The following ARFGEF3 variants were observed in gnomAD, a reference collection of about 807,000 sequenced individuals.
ARFGEF3 encodes ARFGEF family member 3, also known as brefeldin A-inhibited guanine nucleotide-exchange protein 3.
ARFGEF3 carries 96 observed loss-of-function variants against 221.7 expected under a neutral mutation model. The observed-to-expected ratio is 0.43, with a 90% CI of 0.37 to 0.51. The LOEUF (loss-of-function observed/expected upper bound fraction) is 0.51. ARFGEF3 is among the 20% of genes least tolerant of loss of function. The probability of loss-of-function intolerance (pLI) is 0.00; values close to 1 mark genes in which losing one functional copy is unlikely to be tolerated. For synonymous variants in ARFGEF3, 1,145 were observed against 1,126.8 expected, an observed-to-expected ratio of 1.02 and a Z score of -0.32; for missense variants, 2,410 against 2,789.9, an observed-to-expected ratio of 0.86 and a Z score of 3.07.
At chr6:138,270,314 T>C (rs1244171013) in intron 12 of ARFGEF3, among the ~76,000 whole-genome samples, 2 of 152,166 alleles carry the variant, frequency 1.3e-5, no homozygotes, top group Non-Finnish European at 2.9e-5. Flanking sequence ...ATGTCATTGG[T>C]GAATTCCATT....
intron 22 of ARFGEF3, among the ~76,000 whole-genome samples, chr6:138,301,530 A>G (rs1010520959): frequency 1.3e-5 from 2 of 152,202 alleles, no homozygotes; most frequent in African/African-American, 4.8e-5. Flanking sequence ...AGAAATGAAC[A>G]GGGGAATCCT....
chr6:138,308,983 A>T, intron 24 of ARFGEF3, 122 bp downstream of exon 24: 1 of 1,214,510 alleles, frequency 8.2e-7, no homozygotes, highest in Non-Finnish European at 1.2e-6. Context: ...GTACAAGCAG[A>T]TGGTGGTGTT....
intron 10 of ARFGEF3, 66 bp downstream of exon 10, chr6:138,255,835 A>C: frequency 1.5e-6 from 2 of 1,326,570 alleles, no homozygotes; most frequent in East Asian, 5.1e-5. Flanking sequence ...CGCATACAAG[A>C]AGCGCTCAGA....
At chr6:138,336,117 G>A (rs1435800955) in intron 33 of ARFGEF3, among the ~76,000 whole-genome samples, 178 bp from the exon 34 acceptor site, 2 of 152,116 alleles carry the variant, frequency 1.3e-5, no homozygotes, top group African/African-American at 4.8e-5. Context: ...AAGTTATGAT[G>A]TAGGCATAAT....
intron 2 of ARFGEF3, among the ~76,000 whole-genome samples, chr6:138,186,236 G>A (rs1289277036): frequency 6.6e-6 from 1 of 152,208 alleles, no homozygotes; most frequent in Non-Finnish European, 1.5e-5. Context: ...ATAGGCCTTA[G>A]TGGAGTATGT....
intron 2 of ARFGEF3, among the ~76,000 whole-genome samples, chr6:138,194,989 ATTTTTTTT>A (rs747099029): frequency 5.9e-5 from 5 of 84,116 alleles, no homozygotes; most frequent in African/African-American, 1.1e-4. Context: ...CTTTTCCCTA[ATTTTTTTT>A]TTTTTTTTTT....
At chr6:138,212,572 C>G (rs568498264) in intron 4 of ARFGEF3, among the ~76,000 whole-genome samples, 1 of 152,188 alleles carries the variant, frequency 6.6e-6, no homozygotes, top group Non-Finnish European at 1.5e-5. Context: ...AAGACACATG[C>G]ACACATATGT....
chr6:138,243,906 G>C (rs563503886), intron 7 of ARFGEF3, among the ~76,000 whole-genome samples: 1 of 152,136 alleles, frequency 6.6e-6, no homozygotes, highest in Non-Finnish European at 1.5e-5. Context: ...GGACTGGAAG[G>C]TGCCCTTTTC....
intron 31 of ARFGEF3, among the ~76,000 whole-genome samples, chr6:138,327,556 C>T (rs1780149184): frequency 6.6e-6 from 1 of 152,180 alleles, no homozygotes; most frequent in African/African-American, 2.4e-5. Context: ...TCACTATTTT[C>T]TTAGTCACAT....
At chr6:138,323,578 TC>T in intron 29 of ARFGEF3, 92 bp from the exon 30 acceptor site, 3 of 1,160,718 alleles carry the variant, frequency 2.6e-6, no homozygotes, top group Non-Finnish European at 3.7e-6. Context: ...GCCAGTGCAC[TC>T]CAGGCTGGGC....
Position 138,162,262 on chromosome 6 carries a change from C to G in ARFGEF3, c.85+91C>G. 1.1e-6 allele frequency: 1 copy of G among 873,348 alleles called. No individual in the cohort carries two copies. Among genetic ancestry groups the G allele is most frequent in the Non-Finnish European group, 1.7e-6 (1 of 578,954 alleles). The allele number at this position is 873,348 out of a possible 1,614,324, so 54.1% of individuals were successfully genotyped here. A position where few individuals can be genotyped will look rare whatever the true frequency, so the allele number is the denominator to read the frequency against. On this transcript the variant is annotated intron_variant, in intron 1 of 33. Transcript: ENST00000251691. The surrounding 1 kb of genome is among the most constrained non-coding windows in gnomAD (Gnocchi z 4.7). ...CGCGCGTGGGGCTTTCGCGGAGCGTCGGTCATGGGTGCCGTTCTGGCGATT... is the reference window on the plus strand; with the variant it reads ...CGCGCGTGGGGCTTTCGCGGAGCGTGGGTCATGGGTGCCGTTCTGGCGATT...
chr6:138,202,677 C>T (rs1429835684), intron 2 of ARFGEF3, among the ~76,000 whole-genome samples: 6 of 137,626 alleles, frequency 4.4e-5, no homozygotes, highest in Non-Finnish European at 9.2e-5. Context: ...CTAGTATTTA[C>T]TAGCAAAAAA....
intron 10 of ARFGEF3, among the ~76,000 whole-genome samples, chr6:138,260,039 A>G (rs1032486545): frequency 6.6e-5 from 10 of 152,182 alleles, no homozygotes; most frequent in African/African-American, 2.4e-4. Context: ...TTGGGAATAC[A>G]CTTATCCTTC....
intron 25 of ARFGEF3, among the ~76,000 whole-genome samples, 173 bp from the exon 26 acceptor site, chr6:138,313,622 A>C (rs1779868730): frequency 6.6e-6 from 1 of 152,136 alleles, no homozygotes; most frequent in Non-Finnish European, 1.5e-5. Flanking sequence ...GCTTCATGGG[A>C]TAGATGCCTC....
chr6:138,233,891 A>G (rs1474665820), intron 5 of ARFGEF3, among the ~76,000 whole-genome samples: 1 of 152,180 alleles, frequency 6.6e-6, no homozygotes, highest in Non-Finnish European at 1.5e-5. Context: ...TAGCCATGGA[A>G]GCAGGACCAC....
At chr6:138,202,785 T>C (rs1198303556) in intron 2 of ARFGEF3, among the ~76,000 whole-genome samples, 1 of 152,110 alleles carries the variant, frequency 6.6e-6, no homozygotes, top group Non-Finnish European at 1.5e-5. Context: ...TAAATAGCAC[T>C]ATTGACGTAG....
rs768812205 is a variant in ARFGEF3 at position 138,278,543 on chromosome 6, G to T, written c.2221G>T (p.Ala741Ser). Residue 741 changes from alanine (A) to serine (S), a missense_variant, in exon 13 of 34, where the codon GCC becomes TCC. Around this residue, in one of 5 missense-constraint regions of ARFGEF3, gnomAD observed 594 missense variants for 734.3 expected, o/e 0.81. Transcript: ENST00000251691. ...CAGCCTCTACACAGCTGCACACTGC[G>T]CCCTGCTCCTCAACCTGAAGCTCTC... ...ADSLYTAAHC[A>S]LLLNLKLSHG... 2 of 1,613,900 alleles carry T rather than the reference G, an allele frequency of 1.2e-6. No individual in the cohort carries two copies. The highest frequency in any genetic ancestry group is 1.7e-6 in the Non-Finnish European group (2 of 1,179,880).
At chr6:138,304,542 G>C (rs1583058460) in intron 22 of ARFGEF3, among the ~76,000 whole-genome samples, 1 of 152,310 alleles carries the variant, frequency 6.6e-6, no homozygotes, top group East Asian at 1.9e-4. Context: ...CTCTAAAGCA[G>C]CGCTTAAAAT....
chr6:138,278,475 A>T lies in ARFGEF3; in HGVS notation c.2153A>T (p.Asp718Val). Residue 718 changes from aspartate to valine, a missense_variant, in exon 13 of 34, where the codon GAC becomes GTC. Physicochemically the swap from Asp to Val is radical, Grantham distance 152 (BLOSUM62 -3). This residue lies in a region of ARFGEF3 where 594 missense variants were observed against 734.3 expected (regional missense o/e 0.81). Coordinates refer to ENST00000251691, the MANE Select transcript of ARFGEF3 (RefSeq NM_020340.5). ...CSGMMHSPGF[D>V]GNSSLSFQML... ...GGCATGATGCACTCTCCTGGCTTTGACGGGAATAGCAGCCTCAGCTTCCAG... is the reference window on the plus strand; with the variant it reads ...GGCATGATGCACTCTCCTGGCTTTGTCGGGAATAGCAGCCTCAGCTTCCAG... 6.2e-7 allele frequency: 1 copy of T among 1,613,930 alleles called. No individual in the cohort carries two copies.
Sources: gnomAD v4.1 joint callset for allele counts (sites outside exome capture counted in the v4.1 genomes callset) on GRCh38, gnomAD v4.1.1 for gene constraint, gnomAD v4.1.1 regional missense constraint, Gnocchi (gnomAD v3.1) non-coding constraint, MANE v1.5 for transcripts, NCBI Gene and HGNC (gene_info 2026-07-23, HGNC 2026-07-21) for gene names.